The following PACS1 variants were observed in gnomAD, a reference collection of about 807,000 sequenced individuals.
The protein encoded by PACS1 is phosphofurin acidic cluster sorting protein 1.
Under a neutral mutation model 115.0 loss-of-function variants are expected in PACS1, and 24 were observed. The ratio of observed to expected loss-of-function variants is 0.21; its 90% CI spans 0.15 to 0.29. The LOEUF is 0.29. Ranked by LOEUF, PACS1 falls within the 10% of genes least tolerant of loss-of-function variation. The pLI is 1.00. For missense variants in PACS1, 838 were observed against 1,251.2 expected (o/e 0.67, Z 4.98); for synonymous variants, 453 against 504.5 (o/e 0.90, Z 1.37).
intron 1 of PACS1, among the ~76,000 whole-genome samples, chr11:66,103,703 G>A (rs1473737101): frequency 6.6e-6 from 1 of 151,472 alleles, no homozygotes; most frequent in Non-Finnish European, 1.5e-5. Context: ...TAGTGGAGAC[G>A]GGGTTTCACC....
At chr11:66,100,690 G>A (rs1437649487) in intron 1 of PACS1, 6 of 413,464 alleles carry the variant, frequency 1.5e-5, no homozygotes, top group East Asian at 7.2e-5. Flanking sequence ...TTCTCTCTGC[G>A]GCACTCAAGT....
intron 1 of PACS1, among the ~76,000 whole-genome samples, chr11:66,120,795 C>T (rs1395989519): frequency 2.0e-5 from 3 of 152,196 alleles, no homozygotes; most frequent in African/African-American, 4.8e-5. Context: ...TTCATGGCCT[C>T]CTACTCTCTG....
intron 1 of PACS1, among the ~76,000 whole-genome samples, chr11:66,096,311 G>A (rs1857781224): frequency 6.8e-6 from 1 of 147,974 alleles, no homozygotes; most frequent in Non-Finnish European, 1.5e-5. Flanking sequence ...CCAAGCTCAA[G>A]TGATCCACCT....
intron 1 of PACS1, among the ~76,000 whole-genome samples, chr11:66,121,430 C>T (rs1476028999): frequency 6.6e-6 from 1 of 152,140 alleles, no homozygotes; most frequent in Non-Finnish European, 1.5e-5. Flanking sequence ...ACGTGTCTCT[C>T]ACTTTAAATC....
intron 1 of PACS1, among the ~76,000 whole-genome samples, chr11:66,153,253 C>T (rs992018247): frequency 6.6e-6 from 1 of 152,094 alleles, no homozygotes; most frequent in Non-Finnish European, 1.5e-5. Flanking sequence ...GCTTCAGCCT[C>T]CTGAGTAGCA....
rs565059019 is a variant in PACS1, at chr11:66,107,320, T to TGTGTA, written c.356+36482_356+36483insAGTGT. On this transcript the variant is annotated intron_variant, in intron 1 of 23. Transcript: ENST00000320580. ...CACTCCTCCTCAAAGTGTTTGCTCA[T>TGTGTA]GTGTCATCCATCCCAGTGAGGCCTG... Among the ~76,000 whole-genome samples the TGTGTA allele has an allele frequency of 7.2e-3, 1,097 of 152,288 alleles. 11 individuals carry two copies. Among genetic ancestry groups the TGTGTA allele is most frequent in the African/African-American group, 0.024 (1,016 of 41,554 alleles).
chr11:66,134,100 C>T (rs1858771259), intron 1 of PACS1, among the ~76,000 whole-genome samples: 1 of 152,026 alleles, frequency 6.6e-6, no homozygotes, highest in Admixed American at 6.6e-5. Flanking sequence ...AGGTTCCTCT[C>T]TGTGCTCCCT....
chr11:66,165,366 T>C (rs1859578317), intron 1 of PACS1, among the ~76,000 whole-genome samples: 1 of 152,188 alleles, frequency 6.6e-6, no homozygotes, highest in Admixed American at 6.5e-5. Flanking sequence ...CAGGGTCCCA[T>C]TCTTGGCCTA....
intron 1 of PACS1, among the ~76,000 whole-genome samples, chr11:66,163,350 CA>C (rs1231541629): frequency 0.088 from 5,104 of 58,012 alleles, 186 homozygotes; most frequent in African/African-American, 0.22. Flanking sequence ...GACCCTGTCT[CA>C]AAAAAAAAAA....
intron 21 of PACS1, among the ~76,000 whole-genome samples, chr11:66,240,082 A>G (rs796307824): frequency 1.1e-4 from 16 of 152,352 alleles, no homozygotes; most frequent in African/African-American, 3.8e-4. Flanking sequence ...TAAAGGAAAC[A>G]ATCCACGTCT....
In PACS1 at chr11:66,119,114, T is replaced by G. The variant is rs1462996307; in HGVS notation, c.356+48272T>G. On this transcript the variant is annotated intron_variant, in intron 1 of 23. Coordinates refer to ENST00000320580, the MANE Select transcript of PACS1 (RefSeq NM_018026.4). Reference sequence around the variant, plus strand: ...AAGGGAGAGGCCCCCTACTCCCTGCTTGTCCTCTGCTCTCTTCTGACCGGT... The same window carrying G: ...AAGGGAGAGGCCCCCTACTCCCTGCGTGTCCTCTGCTCTCTTCTGACCGGT... Among the ~76,000 whole-genome samples the G allele has an allele frequency of 2.0e-5, 3 of 152,344 alleles. No individual in the cohort carries two copies. The East Asian group carries it at 5.8e-4, about 29-fold the overall frequency.
intron 1 of PACS1, chr11:66,121,091 C>A (rs999743069): frequency 4.4e-6 from 2 of 455,930 alleles, no homozygotes; most frequent in African/African-American, 4.0e-5. Flanking sequence ...CACTGTTTTT[C>A]TAATAGCATG....
intron 2 of PACS1, among the ~76,000 whole-genome samples, chr11:66,198,758 ATTATATCCC>A (rs1330417483): frequency 6.6e-6 from 1 of 152,194 alleles, no homozygotes; most frequent in Non-Finnish European, 1.5e-5. Flanking sequence ...TGGTATTTGA[ATTATATCCC>A]AGTAAAGCTG....
At chr11:66,229,095 C>T (rs1855526374) in intron 11 of PACS1, among the ~76,000 whole-genome samples, 1 of 150,178 alleles carries the variant, frequency 6.7e-6, no homozygotes, top group South Asian at 2.1e-4. Context: ...TCAGACTTGG[C>T]CAGGTGTGGT....
chr11:66,116,658 G>A (rs1002352360), intron 1 of PACS1, among the ~76,000 whole-genome samples: 3 of 150,792 alleles, frequency 2.0e-5, no homozygotes, highest in African/African-American at 7.5e-5. Flanking sequence ...TTTGGCTGAG[G>A]CAGGTGGATT....
At chr11:66,174,377 A>C (rs11227421) in intron 1 of PACS1, among the ~76,000 whole-genome samples, 5,627 of 152,234 alleles carry the variant, frequency 0.037, 338 homozygotes, top group African/African-American at 0.13. Context: ...TTTCATAAGA[A>C]GTTAAACATA....
chr11:66,193,418 C>T (rs1854574033), intron 1 of PACS1, 68 bp from the exon 2 acceptor site: 4 of 1,089,608 alleles, frequency 3.7e-6, no homozygotes, highest in Non-Finnish European at 5.6e-6. Context: ...GATTGCCTAA[C>T]CAATTGTTCA....
intron 2 of PACS1, among the ~76,000 whole-genome samples, chr11:66,206,228 T>C (rs1159131503): frequency 1.2e-4 from 18 of 152,230 alleles, no homozygotes; most frequent in Non-Finnish European, 2.9e-5. Flanking sequence ...TATGTTACTT[T>C]AGTATTAAAT....
intron 1 of PACS1, among the ~76,000 whole-genome samples, chr11:66,129,501 G>A (rs749298000): frequency 5.5e-4 from 81 of 146,752 alleles, no homozygotes; most frequent in Non-Finnish European, 4.2e-4. Flanking sequence ...AAATAGAGAC[G>A]GGGCCTAACT....
Sources: allele counts gnomAD v4.1 joint callset (sites outside exome capture counted in the v4.1 genomes callset), GRCh38; gene constraint gnomAD v4.1.1; transcripts MANE v1.5; gene names NCBI Gene and HGNC (gene_info 2026-07-23, HGNC 2026-07-21).